The following CA2 variants were observed in gnomAD, a reference collection of about 807,000 sequenced individuals.
The protein encoded by CA2 is carbonate dehydratase II.
Under a neutral mutation model 27.8 loss-of-function variants are expected in CA2, and 23 were observed. That is an observed-to-expected ratio of 0.83 (90% CI 0.59 to 1.17). The LOEUF is 1.17. CA2 is among the 50% of genes most tolerant of loss of function. CA2 has a pLI of 0.00. For synonymous variants in CA2, 99 were observed against 114.9 expected (o/e 0.86, Z 0.88); for missense variants, 300 against 314.7 (o/e 0.95, Z 0.35).
At chr8:85,475,746 T>A in intron 4 of CA2, 52 bp from the exon 5 acceptor site, 1 of 1,523,062 alleles carries the variant, frequency 6.6e-7, no homozygotes, top group Non-Finnish European at 9.1e-7. Context: ...AAATAAAAAC[T>A]GGTACAGTAC....
chr8:85,470,732 G>A (rs1811703181), intron 2 of CA2, among the ~76,000 whole-genome samples: 1 of 151,908 alleles, frequency 6.6e-6, no homozygotes, highest in Non-Finnish European at 1.5e-5. Flanking sequence ...TATATACAGA[G>A]TATGTATAAT....
chr8:85,476,816 G>T, intron 5 of CA2, among the ~76,000 whole-genome samples: 1 of 151,918 alleles, frequency 6.6e-6, no homozygotes, highest in East Asian at 1.9e-4. Context: ...TTAAATACTG[G>T]GTGTGATCAG....
chr8:85,475,774 C>G (rs1414053128), intron 4 of CA2, 24 bp from the exon 5 acceptor site: 2 of 1,610,064 alleles, frequency 1.2e-6, no homozygotes, highest in South Asian at 2.2e-5. Context: ...GTGATAGTAT[C>G]TTGCCCTTTA....
chr8:85,480,888 G>A lies in CA2; in HGVS notation c.*99G>A. 1.5e-6 allele frequency: 2 copies of A among 1,343,184 alleles called. No homozygotes were observed. The highest frequency in any genetic ancestry group is 1.2e-5 in the South Asian group (1 of 83,118). 83.2% of individuals were successfully genotyped at this position (1,343,184 alleles called of 1,614,324 possible). A position where few individuals can be genotyped will look rare whatever the true frequency, so the allele number is the denominator to read the frequency against. ...GTGATTTGGACCCTGGTTGCTTTGT[G>A]TCTAGTTTTCTAGACCCTTCATCTC... On this transcript the variant is annotated 3_prime_UTR_variant, in exon 7 of 7. Transcript: ENST00000285379.
chr8:85,466,975 CA>C (rs1186229798), intron 2 of CA2, among the ~76,000 whole-genome samples: 1 of 152,080 alleles, frequency 6.6e-6, no homozygotes, highest in Non-Finnish European at 1.5e-5. Context: ...ATTTACAAAC[CA>C]AAAGAAGTGA....
rs556235273 is a variant in CA2, at chr8:85,469,199, G to C, written c.232+3730G>C. On this transcript the variant is annotated intron_variant, in intron 2 of 6. Transcript: ENST00000285379. ...TTTATTAGGAGTTATTTTTGTGGTG[G>C]TAACATTTTTAGATTTCCTATACCT... 5.3e-5 allele frequency among the ~76,000 whole-genome samples: 8 copies of C among 152,200 alleles called. No individual in the cohort carries two copies. In the East Asian group the frequency reaches 1.5e-3, roughly 29 times the overall value.
intron 1 of CA2, chr8:85,465,019 G>A (rs1357997099): frequency 2.9e-5 from 14 of 479,458 alleles, no homozygotes; most frequent in Non-Finnish European, 4.9e-5. Context: ...ATAGCACTCA[G>A]TGATCTAAGA....
At chr8:85,472,967 C>A (rs1811731218) in intron 2 of CA2, among the ~76,000 whole-genome samples, 1 of 150,836 alleles carries the variant, frequency 6.6e-6, no homozygotes, top group Admixed American at 6.6e-5. Flanking sequence ...GCACTCCAGC[C>A]TGGGCAACAG....
chr8:85,465,250 T>TC (rs1811609244), intron 1 of CA2, 22 bp from the exon 2 acceptor site: 1 of 1,595,532 alleles, frequency 6.3e-7, no homozygotes, highest in Admixed American at 1.7e-5. Flanking sequence ...AATGGGGGAT[T>TC]CACATGTCTT....
At chr8:85,473,404 T>C (rs558290991) in intron 2 of CA2, 264 of 522,700 alleles carry the variant, frequency 5.1e-4, no homozygotes, top group African/African-American at 4.4e-3. Context: ...GGAATCAGTA[T>C]GCTCAGAAAG....
chr8:85,480,660 T>C lies in CA2; in HGVS notation c.664-10T>C. On this transcript the variant is annotated splice_polypyrimidine_tract_variant and intron_variant, in intron 6 of 6. Transcript: ENST00000285379. The stretch of plus-strand genomic sequence containing the variant: ...AACATTAATTATCAATGTTTTATTG[T>C]GTCTTTTAGGTGTTGAAATTCCGTA... 1 of 1,610,500 alleles carries C rather than the reference T, an allele frequency of 6.2e-7. No individual in the cohort carries two copies. The highest frequency in any genetic ancestry group is 8.5e-7 in the Non-Finnish European group (1 of 1,176,778).
intron 2 of CA2, among the ~76,000 whole-genome samples, chr8:85,471,822 A>T (rs562168992): frequency 3.7e-4 from 57 of 152,154 alleles, no homozygotes; most frequent in East Asian, 2.7e-3. Flanking sequence ...ATTCTTTTTT[A>T]AAAAAGTCTA....
At chr8:85,473,943 A>T in intron 3 of CA2, 132 bp downstream of exon 3, 1 of 707,340 alleles carries the variant, frequency 1.4e-6, no homozygotes, top group Non-Finnish European at 2.6e-6. Context: ...GGACCTTCAC[A>T]TTTGCTTTTT....
At chr8:85,479,552 T>A (rs909870863) in intron 6 of CA2, among the ~76,000 whole-genome samples, 1 of 152,076 alleles carries the variant, frequency 6.6e-6, no homozygotes, top group African/African-American at 2.4e-5. Flanking sequence ...TTGGATCACG[T>A]CTTGGTTAGA....
chr8:85,464,204 G>C (rs1033621167), intron 1 of CA2, 89 bp downstream of exon 1: 1 of 1,232,074 alleles, frequency 8.1e-7, no homozygotes, highest in African/African-American at 1.6e-5. Flanking sequence ...CCCGGGGCCC[G>C]CAGCGCCCGC....
chr8:85,469,765 A>G (rs956647437), intron 2 of CA2, among the ~76,000 whole-genome samples: 5 of 151,776 alleles, frequency 3.3e-5, no homozygotes, highest in African/African-American at 4.8e-5. Flanking sequence ...CAAGTCTTAC[A>G]TCATTTCTGT....
At chr8:85,474,747 G>A (rs1242797533) in intron 4 of CA2, among the ~76,000 whole-genome samples, 1 of 152,198 alleles carries the variant, frequency 6.6e-6, no homozygotes, top group Non-Finnish European at 1.5e-5. Context: ...AGTAAGATCA[G>A]GTTCTGAAGA....
At chr8:85,465,700 G>T (rs770100206) in intron 2 of CA2, among the ~76,000 whole-genome samples, 1 of 152,194 alleles carries the variant, frequency 6.6e-6, no homozygotes, top group East Asian at 1.9e-4. Context: ...TTCTATGAAG[G>T]CCATTGAATA....
At position 85,470,275 on chromosome 8, in the gene CA2, G is replaced by A. The variant is rs1811694877; in HGVS notation, c.233-3418G>A. ...TTGTCTATATTGGCACGTAGCCCTAGGATTATTGGCTGCTGCCAACAGGCA... is the reference window on the plus strand; with the variant it reads ...TTGTCTATATTGGCACGTAGCCCTAAGATTATTGGCTGCTGCCAACAGGCA... On this transcript the variant is annotated intron_variant, in intron 2 of 6. Coordinates refer to ENST00000285379, the MANE Select transcript of CA2 (RefSeq NM_000067.3). Among the ~76,000 whole-genome samples, 3 of 152,196 alleles carry A rather than the reference G, an allele frequency of 2.0e-5. No homozygotes were observed. In the South Asian group the frequency reaches 6.2e-4, roughly 32 times the overall value.
Sources: allele counts gnomAD v4.1 joint callset (sites outside exome capture counted in the v4.1 genomes callset), GRCh38; gene constraint gnomAD v4.1.1; transcripts MANE v1.5; gene names NCBI Gene and HGNC (gene_info 2026-07-23, HGNC 2026-07-21).